The following LURAP1L variants were observed in gnomAD, a reference collection of about 807,000 sequenced individuals.
LURAP1L encodes the protein leucine rich adaptor protein 1-like.
LURAP1L carries 12 observed loss-of-function variants against 13.8 expected under a neutral mutation model. The observed-to-expected ratio is 0.87, with a 90% CI of 0.56 to 1.41. The LOEUF is 1.41. LURAP1L is among the 40% of genes most tolerant of loss of function. The pLI, the probability that LURAP1L is intolerant of heterozygous loss-of-function variation, is 0.00. For missense variants in LURAP1L, 375 were observed against 292.9 expected (o/e 1.28, Z -2.04); for synonymous variants, 139 against 119.2 (o/e 1.17, Z -1.08).
At chr9:12,815,485 A>C in intron 1 of LURAP1L, among the ~76,000 whole-genome samples, 1 of 152,166 alleles carries the variant, frequency 6.6e-6, no homozygotes, top group Non-Finnish European at 1.5e-5. Context: ...CATCACATTA[A>C]AAAGCAAGTC....
At chr9:12,799,185 CA>C (rs1462445109) in intron 1 of LURAP1L, among the ~76,000 whole-genome samples, 1 of 152,182 alleles carries the variant, frequency 6.6e-6, no homozygotes, top group Non-Finnish European at 1.5e-5. Flanking sequence ...GCCAAGTCAT[CA>C]AGCTTGTGTC....
At chr9:12,804,255 C>A (rs62538761) in intron 1 of LURAP1L, among the ~76,000 whole-genome samples, 3 of 152,036 alleles carry the variant, frequency 2.0e-5, no homozygotes, top group Admixed American at 2.0e-4. Context: ...TCTTTTGTAT[C>A]ATCTGCATAG....
At chr9:12,805,378 GATAA>G (rs1819642334) in intron 1 of LURAP1L, among the ~76,000 whole-genome samples, 1 of 152,036 alleles carries the variant, frequency 6.6e-6, no homozygotes, top group African/African-American at 2.4e-5. Flanking sequence ...TTCTTATTAT[GATAA>G]ATAGTTATAT....
chr9:12,800,061 C>T (rs1000176334), intron 1 of LURAP1L, among the ~76,000 whole-genome samples: 1 of 152,102 alleles, frequency 6.6e-6, no homozygotes, highest in African/African-American at 2.4e-5. Context: ...AACCTACTCT[C>T]AGTAAATTTT....
chr9:12,781,813 A>G (rs1237700826), intron 1 of LURAP1L, among the ~76,000 whole-genome samples: 4 of 152,098 alleles, frequency 2.6e-5, no homozygotes, highest in Non-Finnish European at 4.4e-5. Flanking sequence ...TTCTAATTTT[A>G]TTTTTTTAAG....
chr9:12,780,549 T>C (rs1819255232), intron 1 of LURAP1L, among the ~76,000 whole-genome samples: 1 of 152,198 alleles, frequency 6.6e-6, no homozygotes, highest in African/African-American at 2.4e-5. Context: ...TTAACTATGA[T>C]TCCCAGCCTG....
intron 1 of LURAP1L, among the ~76,000 whole-genome samples, chr9:12,805,872 A>G (rs949038512): frequency 2.0e-5 from 3 of 152,210 alleles, no homozygotes; most frequent in African/African-American, 4.8e-5. Flanking sequence ...AGTTGTGAAA[A>G]TGGACATAAT....
intron 1 of LURAP1L, among the ~76,000 whole-genome samples, chr9:12,796,312 G>C (rs191634033): frequency 4.9e-4 from 75 of 151,866 alleles, no homozygotes; most frequent in Non-Finnish European, 7.4e-5. Context: ...ATTATCCAGA[G>C]GCCATTTTTG....
At chr9:12,797,191 A>C (rs1819521724) in intron 1 of LURAP1L, among the ~76,000 whole-genome samples, 2 of 152,014 alleles carry the variant, frequency 1.3e-5, no homozygotes, top group African/African-American at 4.8e-5. Flanking sequence ...TCTGTGATCC[A>C]CCAAGAGCTT....
intron 1 of LURAP1L, among the ~76,000 whole-genome samples, chr9:12,794,230 A>G (rs1399977766): frequency 6.6e-6 from 1 of 152,114 alleles, no homozygotes; most frequent in African/African-American, 2.4e-5. Flanking sequence ...GTATACTTTA[A>G]TTCCAAAAGT....
intron 1 of LURAP1L, among the ~76,000 whole-genome samples, chr9:12,779,770 G>T (rs1368937206): frequency 6.6e-6 from 1 of 152,042 alleles, no homozygotes; most frequent in African/African-American, 2.4e-5. Context: ...AGGAACAAAT[G>T]AATATTTCTA....
In LURAP1L at chr9:12,805,503, C is replaced by A. The variant is rs1459298457; in HGVS notation, c.313-15883C>A. Reference sequence around the variant, plus strand: ...CAGTTCCACAACCTCAAGCAAAAGACACACAGTCTCAATGGTTATTCTCCT... The same window carrying A: ...CAGTTCCACAACCTCAAGCAAAAGAAACACAGTCTCAATGGTTATTCTCCT... On this transcript the variant is annotated intron_variant, in intron 1 of 1. Transcript: ENST00000319264. 2.0e-5 allele frequency among the ~76,000 whole-genome samples: 3 copies of A among 151,608 alleles called. No individual in the cohort carries two copies. The South Asian group carries it at 6.2e-4, about 31-fold the overall frequency.
chr9:12,815,341 A>G (rs1053065762), intron 1 of LURAP1L, among the ~76,000 whole-genome samples: 36 of 152,320 alleles, frequency 2.4e-4, no homozygotes, highest in Non-Finnish European at 4.9e-4. Context: ...TTCAGTTTAT[A>G]TAGACTTTTA....
intron 1 of LURAP1L, among the ~76,000 whole-genome samples, chr9:12,808,144 CT>C (rs1214089903): frequency 9.7e-5 from 13 of 134,584 alleles, no homozygotes; most frequent in Middle Eastern, 3.9e-3. Context: ...ATTTTACCTT[CT>C]TTTTTTCTTT....
At chr9:12,801,211 C>A (rs752886972) in intron 1 of LURAP1L, among the ~76,000 whole-genome samples, 3 of 151,988 alleles carry the variant, frequency 2.0e-5, no homozygotes, top group Non-Finnish European at 2.9e-5. Context: ...TGGCACCATT[C>A]ATCCAAGAGC....
chr9:12,815,527 G>A (rs369212388), intron 1 of LURAP1L, among the ~76,000 whole-genome samples: 72 of 152,182 alleles, frequency 4.7e-4, no homozygotes, highest in African/African-American at 1.6e-3. Flanking sequence ...ATGTGACTAT[G>A]GACTTGCAAA....
In LURAP1L at chr9:12,822,170, C is replaced by G. The variant is rs1433144714; in HGVS notation, c.*410C>G. 1 of 165,994 alleles carries G rather than the reference C, an allele frequency of 6.0e-6. No individual in the cohort carries two copies. The highest frequency in any genetic ancestry group is 2.4e-5 in the African/African-American group (1 of 41,632). The allele number at this position is 165,994 out of a possible 1,614,324, so 10.3% of individuals were successfully genotyped here. A position where few individuals can be genotyped will look rare whatever the true frequency, so the allele number is the denominator to read the frequency against. The stretch of plus-strand genomic sequence containing the variant: ...GTCCTTAAATGACTTAAGGTTTCAT[C>G]TTCCAGAAGATATTGAGATATATTA... On this transcript the variant is annotated 3_prime_UTR_variant, in exon 2 of 2. Coordinates refer to ENST00000319264, the MANE Select transcript of LURAP1L (RefSeq NM_203403.2).
intron 1 of LURAP1L, among the ~76,000 whole-genome samples, chr9:12,779,400 A>G (rs200351229): frequency 6.9e-6 from 1 of 145,790 alleles, no homozygotes; most frequent in Non-Finnish European, 1.5e-5. Flanking sequence ...TCAGCCTCCC[A>G]AGTAGCTGGG....
chr9:12,794,763 A>T (rs966364128), intron 1 of LURAP1L, among the ~76,000 whole-genome samples: 2 of 151,700 alleles, frequency 1.3e-5, no homozygotes. Flanking sequence ...AAATGTCCAC[A>T]CTTTGGACAT....
Sources: allele counts gnomAD v4.1 joint callset (sites outside exome capture counted in the v4.1 genomes callset), GRCh38; gene constraint gnomAD v4.1.1; transcripts MANE v1.5; gene names NCBI Gene and HGNC (gene_info 2026-07-23, HGNC 2026-07-21).